Variants in CLPB observed in about 807,000 individuals in gnomAD.
The protein encoded by CLPB is mitochondrial disaggregase.
CLPB carries 40 observed loss-of-function variants against 78.4 expected under a neutral mutation model. The observed-to-expected ratio is 0.51, with a 90% confidence interval of 0.40 to 0.66. CLPB has a LOEUF of 0.66. CLPB is among the 30% of genes least tolerant of loss of function. CLPB has a pLI of 0.00. For synonymous variants in CLPB, 333 were observed against 348.0 expected (o/e 0.96, Z 0.48); for missense variants, 780 against 886.9 (o/e 0.88, Z 1.53).
chr11:72,419,281 G>A (rs185474962), intron 2 of CLPB, among the ~76,000 whole-genome samples: 20 of 152,334 alleles, frequency 1.3e-4, no homozygotes, highest in Admixed American at 5.9e-4. Flanking sequence ...GCACTTGGGC[G>A]ACATAAATGA....
intron 3 of CLPB, among the ~76,000 whole-genome samples, chr11:72,402,559 T>C (rs535357580): frequency 6.6e-6 from 1 of 152,260 alleles, no homozygotes; most frequent in Non-Finnish European, 1.5e-5. Context: ...TTAGTTTCCA[T>C]CAGAACTTCC....
chr11:72,413,999 C>A (rs893685265), intron 2 of CLPB, among the ~76,000 whole-genome samples: 2 of 152,088 alleles, frequency 1.3e-5, no homozygotes, highest in Non-Finnish European at 2.9e-5. Context: ...GAGGAAGGTG[C>A]CATGAGAGTA....
chr11:72,390,982 G>A (rs2051253722), intron 3 of CLPB, among the ~76,000 whole-genome samples: 1 of 152,200 alleles, frequency 6.6e-6, no homozygotes, highest in Non-Finnish European at 1.5e-5. Context: ...GCAGTAGTTA[G>A]AAGCAACAGG....
In CLPB at chr11:72,434,334, C is replaced by A; in HGVS notation, c.141G>T (p.Trp47Cys). 1 of 1,612,160 alleles carries A rather than the reference C, an allele frequency of 6.2e-7. No individual in the cohort carries two copies. Among genetic ancestry groups the A allele is most frequent in the Non-Finnish European group, 8.5e-7 (1 of 1,179,692 alleles). ...GGCGCCCCCCGGTGGCTACCCTCAG[C>A]CACTGCGGCTCCCCGAGACTCCCAG... Reference protein sequence around the residue: ...VTTGSLGEPQWLRVATGGRPG... With the variant: ...VTTGSLGEPQCLRVATGGRPG... The change falls in exon 1 of 16, where the codon TGG becomes TGT. Residue 47 changes from tryptophan to cysteine, a missense_variant. Trp to Cys is a radical substitution (Grantham distance 215). Transcript: ENST00000538039.
At chr11:72,350,174 G>A (rs12418637) in intron 5 of CLPB, among the ~76,000 whole-genome samples, 23,022 of 152,206 alleles carry the variant, frequency 0.15, 2,642 homozygotes, top group African/African-American at 0.32. Context: ...AGGGCTGAGG[G>A]TAGGACTTAG....
intron 3 of CLPB, among the ~76,000 whole-genome samples, chr11:72,395,506 T>C (rs1266082872): frequency 1.3e-5 from 2 of 152,174 alleles, no homozygotes; most frequent in Non-Finnish European, 2.9e-5. Context: ...ATCTGTAAAA[T>C]AGGAATAATA....
chr11:72,421,016 G>A (rs1403278351), intron 2 of CLPB, among the ~76,000 whole-genome samples: 4 of 152,164 alleles, frequency 2.6e-5, no homozygotes, highest in Admixed American at 6.5e-5. Flanking sequence ...AAAATTAGCC[G>A]GGTGTGGTGG....
chr11:72,333,353 C>G (rs1241749826), intron 5 of CLPB, among the ~76,000 whole-genome samples: 1 of 152,160 alleles, frequency 6.6e-6, no homozygotes, highest in Non-Finnish European at 1.5e-5. Context: ...ATTCTGTTGG[C>G]ACTTACTGGG....
chr11:72,416,670 A>G (rs898212361), intron 2 of CLPB, among the ~76,000 whole-genome samples: 1 of 144,130 alleles, frequency 6.9e-6, no homozygotes, highest in Non-Finnish European at 1.5e-5. Context: ...CGGGAGGCAG[A>G]GGTTGGATTG....
chr11:72,334,950 C>T (rs1950293362), intron 5 of CLPB, among the ~76,000 whole-genome samples: 1 of 152,266 alleles, frequency 6.6e-6, no homozygotes, highest in African/African-American at 2.4e-5. Context: ...CTGCCCGCTA[C>T]AGCTGTGGAA....
chr11:72,398,921 C>T (rs917981150), intron 3 of CLPB, among the ~76,000 whole-genome samples: 15 of 152,152 alleles, frequency 9.9e-5, no homozygotes, highest in Admixed American at 7.9e-4. Flanking sequence ...TCCTGGATGT[C>T]GGCAGTCCAA....
At chr11:72,382,820 T>C (rs190753812) in intron 3 of CLPB, among the ~76,000 whole-genome samples, 3 of 152,156 alleles carry the variant, frequency 2.0e-5, no homozygotes, top group East Asian at 1.9e-4. Flanking sequence ...TCAGGGAAAC[T>C]TGATCCCACC....
chr11:72,370,572 TG>T, intron 4 of CLPB, among the ~76,000 whole-genome samples: 1 of 152,294 alleles, frequency 6.6e-6, no homozygotes, highest in South Asian at 2.1e-4. Flanking sequence ...GCTTTTGGCC[TG>T]GCAGATTCTC....
chr11:72,303,169 G>C (rs2135503499), intron 9 of CLPB, among the ~76,000 whole-genome samples: 1 of 152,308 alleles, frequency 6.6e-6, no homozygotes, highest in Middle Eastern at 3.4e-3. Flanking sequence ...CAGGTGCCCT[G>C]TCTAGCCACA....
intron 5 of CLPB, among the ~76,000 whole-genome samples, chr11:72,350,542 C>G (rs1184936813): frequency 6.6e-6 from 1 of 152,174 alleles, no homozygotes; most frequent in Non-Finnish European, 1.5e-5. Flanking sequence ...CATCTATATT[C>G]TACCAGACTT....
At chr11:72,385,609 G>A (rs917573888) in intron 3 of CLPB, among the ~76,000 whole-genome samples, 1 of 152,172 alleles carries the variant, frequency 6.6e-6, no homozygotes, top group Non-Finnish European at 1.5e-5. Flanking sequence ...GATCACCTGA[G>A]GTCAGGAGTT....
intron 3 of CLPB, 55 bp downstream of exon 3, chr11:72,402,911 G>A: frequency 6.8e-7 from 1 of 1,468,106 alleles, no homozygotes; most frequent in Non-Finnish European, 9.5e-7. Flanking sequence ...GTGCTCAGGA[G>A]CACAGTCTGC....
chr11:72,351,737 A>G (rs1165697909), intron 5 of CLPB, among the ~76,000 whole-genome samples: 1 of 151,838 alleles, frequency 6.6e-6, no homozygotes, highest in Non-Finnish European at 1.5e-5. Flanking sequence ...ATGCCTGGCT[A>G]ATTTTTGTAT....
At chr11:72,293,969 G>A in intron 15 of CLPB, 53 bp downstream of exon 15, 2 of 1,483,030 alleles carry the variant, frequency 1.3e-6, no homozygotes, top group Non-Finnish European at 1.9e-6. Flanking sequence ...GGTCTGGGGG[G>A]CCCTGGGGAG....
Sources: allele counts gnomAD v4.1 joint callset (sites outside exome capture counted in the v4.1 genomes callset), GRCh38; gene constraint gnomAD v4.1.1; transcripts MANE v1.5; gene names NCBI Gene and HGNC (gene_info 2026-07-23, HGNC 2026-07-21).